Variants in WIPF1 observed in about 807,000 individuals in gnomAD.
The protein encoded by WIPF1 is WAS/WASL-interacting protein family member 1.
In WIPF1, 13 loss-of-function variants were observed where a neutral mutation model predicts 35.4. That is an observed-to-expected ratio of 0.37 (90% CI 0.24 to 0.58). WIPF1 has a LOEUF of 0.58. WIPF1 is among the 20% of genes least tolerant of loss of function. The pLI is 0.74. For missense variants in WIPF1, 591 were observed against 667.0 expected (o/e 0.89, Z 1.25); for synonymous variants, 267 against 266.3 (o/e 1.00, Z -0.02).
intron 1 of WIPF1, among the ~76,000 whole-genome samples, chr2:174,634,781 G>A (rs144074440): frequency 3.3e-5 from 5 of 152,264 alleles, no homozygotes; most frequent in African/African-American, 1.2e-4. Flanking sequence ...AGATAAGCCA[G>A]GGGGAAGTCA....
intron 7 of WIPF1, among the ~76,000 whole-genome samples, chr2:174,563,851 T>A (rs992387131): frequency 6.6e-6 from 1 of 152,206 alleles, no homozygotes; most frequent in African/African-American, 2.4e-5. Context: ...ACTGGTCCAC[T>A]TAGGGATTTC....
Position 174,562,332 on chromosome 2 carries a change from T to C in WIPF1, c.*215A>G. 3.4e-6 allele frequency: 5 copies of C among 1,485,372 alleles called. No individual in the cohort carries two copies. Among genetic ancestry groups the C allele is most frequent in the Non-Finnish European group, 4.5e-6 (5 of 1,116,162 alleles). The allele number at this position is 1,485,372 out of a possible 1,614,324, so 92.0% of individuals were successfully genotyped here. Reference sequence around the variant, plus strand: ...GCAGCCAGCACAGGCAGGCTGCAGCTGAAGCAAGCAATAGCCTGGAGAATA... The same window carrying C: ...GCAGCCAGCACAGGCAGGCTGCAGCCGAAGCAAGCAATAGCCTGGAGAATA... On this transcript the variant is annotated 3_prime_UTR_variant, in exon 8 of 8. Coordinates refer to ENST00000679041, the MANE Select transcript of WIPF1 (RefSeq NM_001375834.1).
rs561845763 is a variant in WIPF1, at chr2:174,627,931, G to A, written c.-38-42320C>T. ...ATAATGTTTGTGGCATTTTGAAGAGGAGCAACAACAAAGTAAGCCTGACAC... is the reference window on the plus strand; with the variant it reads ...ATAATGTTTGTGGCATTTTGAAGAGAAGCAACAACAAAGTAAGCCTGACAC... On this transcript the variant is annotated intron_variant, in intron 1 of 8. Transcript: ENST00000272746. Among the ~76,000 whole-genome samples, 24 of 152,064 alleles carry A rather than the reference G, an allele frequency of 1.6e-4. 1 individual carries two copies. The highest frequency in any genetic ancestry group is 2.8e-4 in the Non-Finnish European group (19 of 67,992).
chr2:174,609,278 C>A (rs1686270693), intron 1 of WIPF1, among the ~76,000 whole-genome samples: 1 of 152,208 alleles, frequency 6.6e-6, no homozygotes, highest in Non-Finnish European at 1.5e-5. Context: ...ACCTTAACTC[C>A]AATTTATACA....
chr2:174,565,142 A>G lies in WIPF1; in HGVS notation c.1456+1928T>C, dbSNP rs547122871. ...ACTCCTGACCTCAGGTGATCTGCCC[A>G]CCTCAGCCTCCCAAAGTGCTGGGAT... On this transcript the variant is annotated intron_variant, in intron 7 of 7. Transcript: ENST00000679041. 2.2e-4 allele frequency among the ~76,000 whole-genome samples: 34 copies of G among 152,026 alleles called. No individual in the cohort carries two copies. The Middle Eastern group carries it at 0.01, about 46-fold the overall frequency.
upstream of WIPF1, among the ~76,000 whole-genome samples, chr2:174,599,846 C>T (rs1385652964): frequency 6.6e-6 from 1 of 151,444 alleles, no homozygotes; most frequent in Non-Finnish European, 1.5e-5. Context: ...TCTCTCAGTA[C>T]ACATACCATT....
At chr2:174,632,349 G>A (rs1485751694) in intron 1 of WIPF1, among the ~76,000 whole-genome samples, 1 of 152,148 alleles carries the variant, frequency 6.6e-6, no homozygotes, top group Non-Finnish European at 1.5e-5. Context: ...AAGGGGCTGA[G>A]AAATAGGAGA....
At chr2:174,677,334 A>AT (rs1688155252) in intron 1 of WIPF1, among the ~76,000 whole-genome samples, 1 of 152,266 alleles carries the variant, frequency 6.6e-6, no homozygotes, top group Admixed American at 6.5e-5. Flanking sequence ...TTTAACAAAC[A>AT]TTGACAACCT....
In WIPF1 at chr2:174,648,134, T is replaced by G. The variant is rs140284278; in HGVS notation, c.-39+34640A>C. 6.3e-4 allele frequency among the ~76,000 whole-genome samples: 96 copies of G among 152,306 alleles called. 3 individuals are homozygous for G. The East Asian group carries it at 0.016, about 26-fold the overall frequency. Reference sequence around the variant, plus strand: ...CATGATTCTGTGAAGGAAGCAGACTTACAAAACAGAAACATCTCTCGAGAT... The same window carrying G: ...CATGATTCTGTGAAGGAAGCAGACTGACAAAACAGAAACATCTCTCGAGAT... On this transcript the variant is annotated intron_variant, in intron 1 of 8. Coordinates refer to the WIPF1 transcript ENST00000272746.
chr2:174,653,437 G>A lies in WIPF1; in HGVS notation c.-39+29337C>T, dbSNP rs183027292. On this transcript the variant is annotated intron_variant, in intron 1 of 8. Coordinates refer to the WIPF1 transcript ENST00000272746. ...TCCTGTCCTGGAAGTCTAAGACTGCGTAAGAAACAGAGTTCAGGCCGGGTG... is the reference window on the plus strand; with the variant it reads ...TCCTGTCCTGGAAGTCTAAGACTGCATAAGAAACAGAGTTCAGGCCGGGTG... Among the ~76,000 whole-genome samples, 17 of 152,164 alleles carry A rather than the reference G, an allele frequency of 1.1e-4. 1 individual carries two copies. In the South Asian group the frequency reaches 2.1e-3, roughly 19 times the overall value.
intron 1 of WIPF1, among the ~76,000 whole-genome samples, chr2:174,593,007 GT>G (rs1210017730): frequency 5.3e-5 from 8 of 150,158 alleles, no homozygotes; most frequent in Non-Finnish European, 1.0e-4. Flanking sequence ...GTTTGTTGTT[GT>G]TTTCTTCAAG....
At position 174,568,022 on chromosome 2, in the gene WIPF1, G is replaced by C; in HGVS notation, c.1181C>G (p.Ala394Gly). Residue 394 changes from alanine to glycine, a missense_variant, in exon 6 of 8, where the codon GCC (alanine) becomes GGC (glycine). By Grantham distance (60) the Ala-to-Gly change is moderately conservative. This residue lies in a region of WIPF1 where 117 missense variants were observed against 149.6 expected (regional missense o/e 0.78). Transcript: ENST00000679041. ...PVSRNGSTSR[A>G]LPATPQLPSR... ...TGGCAACTGAGGGGTAGCAGGCAGG[G>C]CCCGAGATGTGCTGCCGTTTCTGCT... The C allele has an allele frequency of 6.2e-7, 1 of 1,613,778 alleles. No homozygotes were observed. Among genetic ancestry groups the C allele is most frequent in the South Asian group, 1.1e-5 (1 of 91,070 alleles).
chr2:174,575,867 G>C (rs1390951087), intron 3 of WIPF1, among the ~76,000 whole-genome samples: 2 of 152,060 alleles, frequency 1.3e-5, no homozygotes, highest in Non-Finnish European at 2.9e-5. Context: ...AAGAAAGAGG[G>C]TCGCAAGGGA....
intron 1 of WIPF1, among the ~76,000 whole-genome samples, chr2:174,669,729 A>G (rs1299195927): frequency 2.0e-5 from 3 of 152,174 alleles, no homozygotes; most frequent in Admixed American, 6.5e-5. Context: ...AAAAAATGTT[A>G]GTCGAGCATG....
chr2:174,560,091 T>G lies in WIPF1; in HGVS notation c.*2456A>C, dbSNP rs1354082363. On this transcript the variant is annotated 3_prime_UTR_variant, in exon 8 of 8. Transcript: ENST00000679041. ...CATGTTGAATACATTTATCTGAAAA[T>G]GTTATAAAAAAACACACATGTAAGC... 1.3e-5 allele frequency: 2 copies of G among 152,556 alleles called. No individual in the cohort carries two copies. The highest frequency in any genetic ancestry group is 2.9e-5 in the Non-Finnish European group (2 of 68,010). 9.5% of individuals were successfully genotyped at this position (152,556 alleles called of 1,614,324 possible). A position where few individuals can be genotyped will look rare whatever the true frequency, so the allele number is the denominator to read the frequency against.
chr2:174,617,218 T>G (rs574998757), intron 1 of WIPF1, among the ~76,000 whole-genome samples: 29 of 152,338 alleles, frequency 1.9e-4, no homozygotes, highest in African/African-American at 5.8e-4. Context: ...GCTCTGCAGT[T>G]TCTGCTGTTT....
rs764135214 is a variant in WIPF1 at position 174,567,143 on chromosome 2, A to G, written c.1383T>C (p.Asp461=). Residue 461 remains aspartate (D), a synonymous_variant, in exon 7 of 8, where the codon GAT becomes GAC. Coordinates refer to ENST00000679041, the MANE Select transcript of WIPF1 (RefSeq NM_001375834.1). The stretch of plus-strand genomic sequence containing the variant: ...GTACATATGGCTCTGGAGGTGGCAA[A>G]TCGGAAATCGGATGGAAGTAGAATC... ...ESRFYFHPIS[D]LPPPEPYVQT... 4.3e-6 allele frequency: 7 copies of G among 1,614,118 alleles called. No individual in the cohort carries two copies.
rs56717056 is a variant in WIPF1 at position 174,657,910 on chromosome 2, CAAA to C, written c.-39+24861_-39+24863del. Among the ~76,000 whole-genome samples, 175 of 96,026 alleles carry C rather than the reference CAAA, an allele frequency of 1.8e-3. 3 individuals carry two copies. In the East Asian group the frequency reaches 0.023, roughly 13 times the overall value. The allele number at this position is 96,026 out of a possible 152,430, so 63.0% of individuals were successfully genotyped here. On this transcript the variant is annotated intron_variant, in intron 1 of 8. Transcript: ENST00000272746. ...GGACAACAAGAGCGAAACTCTGTCT[CAAA>C]AAAAAAAAAAAAAAAAAAAAAGAGA...
At chr2:174,585,760 T>G (rs1287430695) in intron 1 of WIPF1, 149 bp from the exon 2 acceptor site, 1 of 650,168 alleles carries the variant, frequency 1.5e-6, no homozygotes, top group African/African-American at 1.9e-5. Flanking sequence ...GCTAAAACAT[T>G]ACTGTTCTGG....
Sources: allele counts gnomAD v4.1 joint callset (sites outside exome capture counted in the v4.1 genomes callset), GRCh38; gene constraint gnomAD v4.1.1; regional missense constraint gnomAD v4.1.1; transcripts MANE v1.5; gene names NCBI Gene and HGNC (gene_info 2026-07-23, HGNC 2026-07-21).